MARCHF3: variants seen among roughly 807,000 people sequenced by gnomAD.
The protein encoded by MARCHF3 is membrane associated ring-CH-type finger 3, also known as E3 ubiquitin-protein ligase MARCHF3.
In MARCHF3, 13 loss-of-function variants were observed where a neutral mutation model predicts 24.2. The ratio of observed to expected loss-of-function variants is 0.54; its 90% CI spans 0.35 to 0.85. MARCHF3 has a LOEUF of 0.85. Ranked by LOEUF, MARCHF3 falls within the 40% of genes least tolerant of loss-of-function variation. The pLI is 0.01. For synonymous variants in MARCHF3, 144 were observed against 137.3 expected, an observed-to-expected ratio of 1.05 and a Z score of -0.34; for missense variants, 276 against 325.0, an observed-to-expected ratio of 0.85 and a Z score of 1.16.
chr5:126,927,260 G>A (rs1235672757), intron 1 of MARCHF3, among the ~76,000 whole-genome samples: 4 of 152,142 alleles, frequency 2.6e-5, no homozygotes, highest in African/African-American at 9.7e-5. Flanking sequence ...CGAGTTACCC[G>A]AGATCACTTT....
At chr5:126,949,656 C>T (rs1448195140) in intron 1 of MARCHF3, among the ~76,000 whole-genome samples, 3 of 152,158 alleles carry the variant, frequency 2.0e-5, no homozygotes, top group Admixed American at 6.5e-5. Context: ...AACTGGTTTC[C>T]CCTTACTTCC....
chr5:126,889,948 T>C (rs989336614), intron 3 of MARCHF3, among the ~76,000 whole-genome samples: 4 of 152,204 alleles, frequency 2.6e-5, no homozygotes, highest in African/African-American at 9.6e-5. Context: ...ATTTTCAAGA[T>C]TTCAGACATG....
intron 3 of MARCHF3, among the ~76,000 whole-genome samples, chr5:126,905,792 T>C (rs1238436570): frequency 2.0e-5 from 3 of 152,004 alleles, no homozygotes; most frequent in African/African-American, 7.3e-5. Flanking sequence ...CTTTTCCTAA[T>C]TGAATACCCT....
At chr5:126,888,056 G>T (rs1419015181) in intron 3 of MARCHF3, among the ~76,000 whole-genome samples, 3 of 152,184 alleles carry the variant, frequency 2.0e-5, no homozygotes, top group Non-Finnish European at 4.4e-5. Flanking sequence ...TCTAATTTGT[G>T]CTTGATAAAT....
At chr5:126,905,673 G>C (rs1436787507) in intron 3 of MARCHF3, among the ~76,000 whole-genome samples, 1 of 151,996 alleles carries the variant, frequency 6.6e-6, no homozygotes, top group Non-Finnish European at 1.5e-5. Context: ...TTTGTATCCT[G>C]AGACTTTGCT....
In MARCHF3 at chr5:127,011,814, T is replaced by C. The variant is rs1752484026; in HGVS notation, c.-57+18536A>G. ...GTATATAGTTGATTATTGCTTCCCA[T>C]GGATACTTTTAGAATGTAAAAGCTG... On this transcript the variant is annotated intron_variant, in intron 1 of 4. Coordinates refer to ENST00000308660, the MANE Select transcript of MARCHF3 (RefSeq NM_178450.5). 3.3e-5 allele frequency among the ~76,000 whole-genome samples: 5 copies of C among 152,218 alleles called. No homozygotes were observed. In the South Asian group the frequency reaches 1.0e-3, roughly 31 times the overall value.
chr5:126,963,686 A>T (rs1391697010), intron 1 of MARCHF3, among the ~76,000 whole-genome samples: 1 of 152,204 alleles, frequency 6.6e-6, no homozygotes, highest in Non-Finnish European at 1.5e-5. Context: ...TTAAGAAAAA[A>T]TCTGGTGGGT....
At chr5:126,977,983 A>G (rs1751260891) in intron 1 of MARCHF3, among the ~76,000 whole-genome samples, 2 of 152,216 alleles carry the variant, frequency 1.3e-5, no homozygotes, top group South Asian at 2.1e-4. Context: ...AAATTGGAGA[A>G]GCTGAGGGAG....
Position 126,883,336 on chromosome 5 carries a change from G to A in MARCHF3, c.394-4942C>T, listed in dbSNP as rs149511408. Among the ~76,000 whole-genome samples the A allele has an allele frequency of 2.7e-3, 404 of 152,290 alleles. 2 individuals are homozygous for A. The highest frequency in any genetic ancestry group is 7.2e-3 in the African/African-American group (301 of 41,552). On this transcript the variant is annotated intron_variant, in intron 3 of 4. Transcript: ENST00000308660. The stretch of plus-strand genomic sequence containing the variant: ...ACCAAGGGCACCCTTCTGGCATCTT[G>A]TTCTCTGGTTCCATCAAAACATGCA...
intron 1 of MARCHF3, among the ~76,000 whole-genome samples, chr5:126,959,833 T>C (rs893916627): frequency 6.6e-6 from 1 of 152,166 alleles, no homozygotes; most frequent in Non-Finnish European, 1.5e-5. Context: ...CAGTAACTAA[T>C]AGACAGTAAG....
chr5:127,011,047 A>G (rs900693786), intron 1 of MARCHF3, among the ~76,000 whole-genome samples: 1 of 152,230 alleles, frequency 6.6e-6, no homozygotes, highest in African/African-American at 2.4e-5. Flanking sequence ...TACTGCACAA[A>G]AATAATATAA....
chr5:126,929,172 C>A (rs1219188400), intron 1 of MARCHF3, among the ~76,000 whole-genome samples: 2 of 152,196 alleles, frequency 1.3e-5, no homozygotes, highest in Non-Finnish European at 1.5e-5. Context: ...CCTCTAGAGC[C>A]CTGTCCTAAT....
At position 126,867,808 on chromosome 5, in the gene MARCHF3, C is replaced by T. The variant is rs1212113711; in HGVS notation, c.*2825G>A. ...CTCTGAGGAGCTGTAGAATTTGTGT[C>T]GATGCTCTGTGTCCTCCGTCCTTCC... On this transcript the variant is annotated 3_prime_UTR_variant, in exon 5 of 5. Transcript: ENST00000308660. 6.6e-6 allele frequency: 1 copy of T among 152,170 alleles called. No homozygotes were observed. Among genetic ancestry groups the T allele is most frequent in the Non-Finnish European group, 1.5e-5 (1 of 68,032 alleles). 9.4% of individuals were successfully genotyped at this position (152,170 alleles called of 1,614,324 possible).
chr5:126,869,961 C>G lies in MARCHF3; in HGVS notation c.*672G>C, dbSNP rs143978766. 1 of 151,804 alleles carries G rather than the reference C, an allele frequency of 6.6e-6. No individual in the cohort carries two copies. Among genetic ancestry groups the G allele is most frequent in the African/African-American group, 2.4e-5 (1 of 41,126 alleles). 9.4% of individuals were successfully genotyped at this position (151,804 alleles called of 1,614,324 possible). A position where few individuals can be genotyped will look rare whatever the true frequency, so the allele number is the denominator to read the frequency against. ...CGAGCTTCTCACCATATTTTTTTTT[C>G]TCCTTAATGATATTTAAATAAACAG... On this transcript the variant is annotated 3_prime_UTR_variant, in exon 5 of 5. Coordinates refer to ENST00000308660, the MANE Select transcript of MARCHF3 (RefSeq NM_178450.5).
chr5:126,952,231 C>T (rs76020900), intron 1 of MARCHF3, among the ~76,000 whole-genome samples: 76 of 152,240 alleles, frequency 5.0e-4, no homozygotes, highest in African/African-American at 1.7e-3. Flanking sequence ...AAACAACCAG[C>T]TTCGACAGCA....
chr5:126,906,658 G>T (rs1182359508), intron 3 of MARCHF3, among the ~76,000 whole-genome samples: 1 of 152,114 alleles, frequency 6.6e-6, no homozygotes, highest in Non-Finnish European at 1.5e-5. Context: ...GGGATCAGTG[G>T]TGATATCCCC....
chr5:126,871,609 C>T (rs1436194114), intron 4 of MARCHF3, among the ~76,000 whole-genome samples: 1 of 152,182 alleles, frequency 6.6e-6, no homozygotes, highest in African/African-American at 2.4e-5. Context: ...CAATGTCTTG[C>T]ACTTAGGAAA....
At chr5:126,870,935 C>T in intron 4 of MARCHF3, 144 bp from the exon 5 acceptor site, 1 of 1,161,848 alleles carries the variant, frequency 8.6e-7, no homozygotes, top group Non-Finnish European at 1.2e-6. Flanking sequence ...GAAAATGGCT[C>T]TGGCACGCAG....
chr5:126,878,068 G>C, intron 4 of MARCHF3, 117 bp downstream of exon 4: 1 of 935,914 alleles, frequency 1.1e-6, no homozygotes, highest in South Asian at 1.6e-5. Flanking sequence ...GCCAGCAATC[G>C]AAGGTCTGTT....
Sources: gnomAD v4.1 joint callset for allele counts (sites outside exome capture counted in the v4.1 genomes callset) on GRCh38, gnomAD v4.1.1 for gene constraint, MANE v1.5 for transcripts, NCBI Gene and HGNC (gene_info 2026-07-23, HGNC 2026-07-21) for gene names.